Variants in NAV2 observed in about 807,000 individuals in gnomAD.
The protein encoded by NAV2 is neuron navigator 2.
In NAV2, 54 loss-of-function variants were observed where a neutral mutation model predicts 223.2. That is an observed-to-expected ratio of 0.24 (90% confidence interval 0.19 to 0.30). The LOEUF is 0.30. Among genes scored for constraint, NAV2 ranks in the 10% least tolerant of loss-of-function variants. NAV2 has a pLI of 1.00. For missense variants in NAV2, 2,806 were observed against 3,147.5 expected (o/e 0.89, Z 2.60); for synonymous variants, 1,279 against 1,239.3 (o/e 1.03, Z -0.67).
At chr11:19,405,461 C>T (rs888813655) in intron 1 of NAV2, among the ~76,000 whole-genome samples, 4 of 152,130 alleles carry the variant, frequency 2.6e-5, no homozygotes, top group East Asian at 1.9e-4. Context: ...GAGTTCTTTC[C>T]GCAGTCAGGG....
At chr11:19,366,268 G>A (rs1319034483) in intron 1 of NAV2, among the ~76,000 whole-genome samples, 1 of 152,200 alleles carries the variant, frequency 6.6e-6, no homozygotes, top group Non-Finnish European at 1.5e-5. Context: ...TAGCCAGAGA[G>A]AAGAGGCAGT....
chr11:19,661,529 A>T (rs185098654), intron 1 of NAV2, among the ~76,000 whole-genome samples: 93 of 43,416 alleles, frequency 2.1e-3, no homozygotes, highest in Non-Finnish European at 6.9e-3. Context: ...AAGGAAAAAA[A>T]AATAAGTGTT....
chr11:20,079,945 A>G lies in NAV2; in HGVS notation c.5180-119A>G, dbSNP rs572305447. On this transcript the variant is annotated intron_variant, in intron 24 of 37. Coordinates refer to ENST00000349880, the MANE Select transcript of NAV2 (RefSeq NM_145117.5). ...CAGCTGTAGGGATCAGAGTTGATGT[A>G]TATGTGGAAAACACCCAGTAGTCCT... The G allele has an allele frequency of 1.8e-3, 1,822 of 1,021,558 alleles. 30 individuals are homozygous for G. The South Asian group carries it at 0.02, about 11-fold the overall frequency. 63.3% of individuals were successfully genotyped at this position (1,021,558 alleles called of 1,614,324 possible). A position where few individuals can be genotyped will look rare whatever the true frequency, so the allele number is the denominator to read the frequency against.
intron 2 of NAV2, among the ~76,000 whole-genome samples, chr11:19,833,703 C>T (rs113969960): frequency 0.014 from 2,128 of 152,346 alleles, 46 homozygotes; most frequent in African/African-American, 0.048. Flanking sequence ...CTGGGTGCCT[C>T]TGCAAGGCTT....
At chr11:19,865,678 G>A (rs773862965) in intron 3 of NAV2, among the ~76,000 whole-genome samples, 2 of 152,230 alleles carry the variant, frequency 1.3e-5, no homozygotes, top group Non-Finnish European at 2.9e-5. Flanking sequence ...CAAGGCACTT[G>A]ATGGACTTAC....
Position 19,653,873 on chromosome 11 carries a change from G to T in NAV2, c.76-178611G>T, listed in dbSNP as rs985450182. ...AGAAGACTGATACCTGAGCTCCTGG[G>T]CAGAGCCACTCCACCTCCCACACTC... On this transcript the variant is annotated intron_variant, in intron 1 of 37. Coordinates refer to the NAV2 transcript ENST00000360655. Among the ~76,000 whole-genome samples, 4 of 152,108 alleles carry T rather than the reference G, an allele frequency of 2.6e-5. No individual in the cohort carries two copies. In the South Asian group the frequency reaches 8.3e-4, roughly 32 times the overall value.
chr11:19,862,541 A>G (rs553640877), intron 3 of NAV2, among the ~76,000 whole-genome samples: 1 of 152,344 alleles, frequency 6.6e-6, no homozygotes, highest in East Asian at 1.9e-4. Context: ...AGTAGCTTAC[A>G]TTACAGAAGG....
At chr11:19,977,542 G>A (rs2049872704) in intron 10 of NAV2, among the ~76,000 whole-genome samples, 1 of 152,132 alleles carries the variant, frequency 6.6e-6, no homozygotes, top group African/African-American at 2.4e-5. Context: ...TTGTCGTGGG[G>A]GACAAAGGTT....
intron 11 of NAV2, among the ~76,000 whole-genome samples, chr11:20,015,619 A>G (rs2053938213): frequency 1.3e-5 from 2 of 152,074 alleles, no homozygotes; most frequent in African/African-American, 4.8e-5. Flanking sequence ...GTACCCCCAC[A>G]TACACCCAAT....
At chr11:20,059,565 A>G (rs566864342) in intron 19 of NAV2, among the ~76,000 whole-genome samples, 10 of 152,254 alleles carry the variant, frequency 6.6e-5, no homozygotes, top group African/African-American at 1.9e-4. Flanking sequence ...TCTAAAAGAC[A>G]CCAAAAGGCT....
chr11:19,351,160 A>G, intron 1 of NAV2: 2 of 875,560 alleles, frequency 2.3e-6, no homozygotes, highest in Non-Finnish European at 3.7e-6. Context: ...TGGTGGCTTG[A>G]GATTTGCTAT....
intron 6 of NAV2, among the ~76,000 whole-genome samples, chr11:19,920,112 C>T (rs2044153578): frequency 1.3e-5 from 2 of 152,206 alleles, no homozygotes; most frequent in South Asian, 2.1e-4. Context: ...CCATCCTGGG[C>T]AACAGAGCAA....
chr11:19,929,091 C>CA (rs1198254283), intron 6 of NAV2, among the ~76,000 whole-genome samples: 1 of 151,884 alleles, frequency 6.6e-6, no homozygotes, highest in Non-Finnish European at 1.5e-5. Context: ...TCCATCTCTA[C>CA]AAAAAAACAC....
At position 19,702,800 on chromosome 11, in the gene NAV2, TA is replaced by T. The variant is rs1376381188; in HGVS notation, c.76-129682del. Among the ~76,000 whole-genome samples the T allele has an allele frequency of 4.3e-3, 108 of 25,304 alleles. 1 individual carries two copies. Among genetic ancestry groups the T allele is most frequent in the Admixed American group, 0.033 (37 of 1,112 alleles). The allele number at this position is 25,304 out of a possible 152,430, so 16.6% of individuals were successfully genotyped here. ...CTCAAAATAATAATAATAATAATAA[TA>T]ATAGTAATAATAATAATAATAATAA... On this transcript the variant is annotated intron_variant, in intron 1 of 37. Coordinates refer to the NAV2 transcript ENST00000360655.
intron 11 of NAV2, among the ~76,000 whole-genome samples, chr11:19,993,004 A>G (rs1030238621): frequency 5.9e-5 from 9 of 152,222 alleles, no homozygotes; most frequent in African/African-American, 2.2e-4. Context: ...ATATGAAAGC[A>G]AGAATAAGAG....
intron 1 of NAV2, among the ~76,000 whole-genome samples, chr11:19,415,249 A>T (rs890891173): frequency 6.6e-6 from 1 of 152,244 alleles, no homozygotes; most frequent in Non-Finnish European, 1.5e-5. Flanking sequence ...ACAATAAAAA[A>T]TGGTAAAGGG....
chr11:20,033,167 G>C (rs774760638), intron 11 of NAV2, among the ~76,000 whole-genome samples: 5 of 152,178 alleles, frequency 3.3e-5, no homozygotes, highest in Non-Finnish European at 5.9e-5. Context: ...TATTCTTTCA[G>C]CCTCTATTTC....
At chr11:19,657,966 A>C (rs1821025953) in intron 1 of NAV2, among the ~76,000 whole-genome samples, 1 of 152,204 alleles carries the variant, frequency 6.6e-6, no homozygotes, top group Non-Finnish European at 1.5e-5. Context: ...TATTAACAAT[A>C]ATAATAGATC....
At chr11:19,956,007 G>A (rs763050134) in intron 10 of NAV2, among the ~76,000 whole-genome samples, 1 of 152,162 alleles carries the variant, frequency 6.6e-6, no homozygotes, top group African/African-American at 2.4e-5. Context: ...TCTCTAGGCC[G>A]ATCCCACTGA....
Sources: gnomAD v4.1 joint callset for allele counts (sites outside exome capture counted in the v4.1 genomes callset) on GRCh38, gnomAD v4.1.1 for gene constraint, MANE v1.5 for transcripts, NCBI Gene and HGNC (gene_info 2026-07-23, HGNC 2026-07-21) for gene names.